Variants in ABCC1 observed in about 807,000 individuals in gnomAD.
The protein encoded by ABCC1 is ATP binding cassette subfamily C member 1 (ABCC1 blood group), also known as multidrug resistance-associated protein 1.
Under a neutral mutation model 172.9 loss-of-function variants are expected in ABCC1, and 83 were observed. The ratio of observed to expected loss-of-function variants is 0.48; its 90% CI spans 0.40 to 0.58. ABCC1 has a LOEUF of 0.58. ABCC1 is among the 20% of genes least tolerant of loss of function. ABCC1 has a pLI of 0.00. For synonymous variants in ABCC1, 937 were observed against 825.2 expected (o/e 1.14, Z -2.32); for missense variants, 1,817 against 2,002.7 (o/e 0.91, Z 1.77).
rs1221485018 is a variant in ABCC1, at chr16:16,106,754, TC to T, written c.2754del (p.Ser919ProfsTer29). On this transcript the variant is annotated frameshift_variant, in exon 21 of 31. Coordinates refer to ENST00000399410, the MANE Select transcript of ABCC1 (RefSeq NM_004996.4). LOFTEE classifies it high-confidence loss of function. ...CTTCTCCAGACAGCTCAGCAGCTCC[TC>T]CTCCTATAGTGGGGACATCAGCAGG... The part of the protein sequence containing the change: ...KQLQRQLSSS[S>X]SYSGDISRHH... The T allele has an allele frequency of 2.5e-6, 4 of 1,613,976 alleles. No individual in the cohort carries two copies. The highest frequency in any genetic ancestry group is 3.4e-6 in the Non-Finnish European group (4 of 1,180,008).
At chr16:15,960,925 A>G (rs2046112428) in intron 1 of ABCC1, among the ~76,000 whole-genome samples, 1 of 152,010 alleles carries the variant, frequency 6.6e-6, no homozygotes, top group Admixed American at 6.6e-5. Flanking sequence ...CCAGCTCAGC[A>G]AGGAAGTAGA....
intron 19 of ABCC1, chr16:16,099,015 C>A: frequency 2.1e-6 from 2 of 946,312 alleles, no homozygotes; most frequent in Non-Finnish European, 3.1e-6. Flanking sequence ...GTTTTCACCC[C>A]TCCGGTTGTT....
At chr16:16,110,767 C>A (rs2052350764) in intron 21 of ABCC1, among the ~76,000 whole-genome samples, 1 of 152,172 alleles carries the variant, frequency 6.6e-6, no homozygotes, top group Non-Finnish European at 1.5e-5. Context: ...GTCAGGTTGT[C>A]TGATTTTATA....
chr16:16,070,447 G>A (rs1388276089), intron 13 of ABCC1, among the ~76,000 whole-genome samples: 1 of 152,166 alleles, frequency 6.6e-6, no homozygotes, highest in Non-Finnish European at 1.5e-5. Context: ...GGCGGATCAT[G>A]AGGTCAGGAG....
chr16:15,967,666 C>A (rs551051354), intron 1 of ABCC1, among the ~76,000 whole-genome samples: 1 of 149,194 alleles, frequency 6.7e-6, no homozygotes, highest in African/African-American at 2.5e-5. Flanking sequence ...GAGGCTGAGG[C>A]GGGAGGTTTG....
chr16:16,116,967 G>A (rs2044907401), intron 23 of ABCC1, among the ~76,000 whole-genome samples: 1 of 152,120 alleles, frequency 6.6e-6, no homozygotes, highest in African/African-American at 2.4e-5. Flanking sequence ...CTGACAGGGA[G>A]GGTCTGCAGC....
At chr16:15,959,274 T>C (rs2046074333) in intron 1 of ABCC1, among the ~76,000 whole-genome samples, 1 of 152,162 alleles carries the variant, frequency 6.6e-6, no homozygotes, top group African/African-American at 2.4e-5. Flanking sequence ...CCAGTTGGAG[T>C]TGTGACAGTT....
chr16:16,135,258 A>C (rs1043202865), intron 28 of ABCC1, among the ~76,000 whole-genome samples: 6 of 152,074 alleles, frequency 3.9e-5, no homozygotes, highest in African/African-American at 1.4e-4. Flanking sequence ...TATGGATCTC[A>C]TCACCCAACT....
chr16:16,067,889 C>A (rs182029297), intron 12 of ABCC1, among the ~76,000 whole-genome samples: 1 of 152,308 alleles, frequency 6.6e-6, no homozygotes, highest in East Asian at 1.9e-4. Context: ...ACTAAGAATG[C>A]CCCTCTAGGA....
chr16:15,981,580 A>G (rs1056321951), intron 1 of ABCC1, among the ~76,000 whole-genome samples: 1 of 152,138 alleles, frequency 6.6e-6, no homozygotes, highest in Non-Finnish European at 1.5e-5. Context: ...AACTGGAACA[A>G]AGTGTACCAA....
At chr16:16,077,641 A>C (rs537066700) in intron 15 of ABCC1, among the ~76,000 whole-genome samples, 1 of 152,312 alleles carries the variant, frequency 6.6e-6, no homozygotes, top group African/African-American at 2.4e-5. Context: ...CCAGCACAGG[A>C]ACAAAAAGCC....
intron 12 of ABCC1, among the ~76,000 whole-genome samples, chr16:16,057,803 T>C (rs556721691): frequency 6.6e-6 from 1 of 152,208 alleles, no homozygotes; most frequent in African/African-American, 2.4e-5. Flanking sequence ...TGAAATGGGG[T>C]CTCGCTCTGT....
At position 16,052,813 on chromosome 16, in the gene ABCC1, T is replaced by C. The variant is rs772209612; in HGVS notation, c.1470T>C (p.Tyr490=). The C allele has an allele frequency of 1.2e-6, 2 of 1,614,100 alleles. No individual in the cohort carries two copies. The highest frequency in any genetic ancestry group is 2.7e-5 in the African/African-American group (2 of 75,034). The change falls in exon 11 of 31, where the codon TAT becomes TAC. Residue 490 remains tyrosine, a synonymous_variant. Coordinates refer to ENST00000399410, the MANE Select transcript of ABCC1 (RefSeq NM_004996.4). ...NAVMAMKTKT[Y]QVAHMKSKDN... is the part of the protein sequence containing the mutation. ...TGATGGCGATGAAGACCAAGACGTATCAGGTAAGGCATGTGTCTCTGCGGG... is the reference window on the plus strand; with the variant it reads ...TGATGGCGATGAAGACCAAGACGTACCAGGTAAGGCATGTGTCTCTGCGGG...
chr16:16,075,203 C>T (rs1181547408), intron 14 of ABCC1, among the ~76,000 whole-genome samples: 1 of 152,030 alleles, frequency 6.6e-6, no homozygotes, highest in African/African-American at 2.4e-5. Flanking sequence ...CCTCGGTCTC[C>T]CGAAGTGTTG....
intron 5 of ABCC1, among the ~76,000 whole-genome samples, chr16:16,020,224 G>T (rs2048148117): frequency 6.6e-6 from 1 of 152,130 alleles, no homozygotes; most frequent in Non-Finnish European, 1.5e-5. Flanking sequence ...GCCCGGCTGT[G>T]GTCTGCCTCT....
At chr16:16,045,812 G>A (rs745665836) in intron 8 of ABCC1, 24 bp from the exon 9 acceptor site, 1 of 1,612,004 alleles carries the variant, frequency 6.2e-7, no homozygotes. Context: ...AGTCATTCCA[G>A]GCCCTCTCTT....
intron 7 of ABCC1, among the ~76,000 whole-genome samples, chr16:16,043,419 C>T (rs2049067945): frequency 2.0e-5 from 3 of 151,788 alleles, no homozygotes; most frequent in Admixed American, 1.3e-4. Flanking sequence ...CTGCCTCAGC[C>T]TCCCAAGTAG....
intron 1 of ABCC1, among the ~76,000 whole-genome samples, chr16:15,968,512 G>T (rs1395976628): frequency 1.3e-5 from 2 of 151,710 alleles, no homozygotes; most frequent in African/African-American, 4.8e-5. Context: ...GAGTAGCTAG[G>T]ACTGCAGGCA....
chr16:15,995,901 C>T (rs1176317511), intron 1 of ABCC1, among the ~76,000 whole-genome samples: 2 of 151,860 alleles, frequency 1.3e-5, no homozygotes, highest in African/African-American at 4.8e-5. Flanking sequence ...TCTCGAACTC[C>T]TGGGCTCAAG....
Sources: allele counts gnomAD v4.1 joint callset (sites outside exome capture counted in the v4.1 genomes callset), GRCh38; gene constraint gnomAD v4.1.1; transcripts MANE v1.5; gene names NCBI Gene and HGNC (gene_info 2026-07-23, HGNC 2026-07-21).